Variants in KCNIP4 observed in about 807,000 individuals in gnomAD.
KCNIP4 encodes the protein potassium voltage-gated channel interacting protein 4.
Under a neutral mutation model 34.0 loss-of-function variants are expected in KCNIP4, and 12 were observed. That is an observed-to-expected ratio of 0.35 (90% CI 0.23 to 0.57). The LOEUF (loss-of-function observed/expected upper bound fraction) is 0.57, where lower values mean the gene tolerates loss of function less well. Among genes scored for constraint, KCNIP4 ranks in the 20% least tolerant of loss-of-function variants. The probability of loss-of-function intolerance (pLI) is 0.83; values close to 1 mark genes in which losing one functional copy is unlikely to be tolerated. For synonymous variants in KCNIP4, 124 were observed against 102.2 expected (o/e 1.21, Z -1.29); for missense variants, 238 against 311.7 (o/e 0.76, Z 1.78).
chr4:21,888,415 T>G (rs997203466), intron 1 of KCNIP4, among the ~76,000 whole-genome samples: 1 of 152,096 alleles, frequency 6.6e-6, no homozygotes, highest in African/African-American at 2.4e-5. Flanking sequence ...CTTAGACTCA[T>G]ACGATTCAGA....
intron 1 of KCNIP4, among the ~76,000 whole-genome samples, chr4:21,900,667 C>T (rs73116286): frequency 0.038 from 5,771 of 152,224 alleles, 347 homozygotes; most frequent in African/African-American, 0.13. Flanking sequence ...TAAAAATTTG[C>T]ATCTTAAGTT....
chr4:21,358,469 G>A (rs549797051), intron 1 of KCNIP4, among the ~76,000 whole-genome samples: 2 of 152,210 alleles, frequency 1.3e-5, no homozygotes, highest in African/African-American at 4.8e-5. Context: ...TGGTCTACTT[G>A]ACTCAGAGAG....
chr4:21,121,548 T>C (rs1259351559), intron 1 of KCNIP4, among the ~76,000 whole-genome samples: 1 of 152,230 alleles, frequency 6.6e-6, no homozygotes, highest in African/African-American at 2.4e-5. Flanking sequence ...CAGCATCTTG[T>C]AATGAAGTCA....
chr4:20,782,730 A>C (rs1756981735), intron 3 of KCNIP4, among the ~76,000 whole-genome samples: 1 of 152,170 alleles, frequency 6.6e-6, no homozygotes, highest in Non-Finnish European at 1.5e-5. Flanking sequence ...AGGCTGCTGC[A>C]AAGGTCTCTG....
intron 1 of KCNIP4, among the ~76,000 whole-genome samples, chr4:21,519,695 C>A (rs1270476459): frequency 7.5e-6 from 1 of 133,630 alleles, no homozygotes; most frequent in African/African-American, 3.0e-5. Context: ...TATATACACA[C>A]GTGTGTGTAT....
chr4:21,356,557 C>T (rs1718627723), intron 1 of KCNIP4, among the ~76,000 whole-genome samples: 1 of 152,074 alleles, frequency 6.6e-6, no homozygotes, highest in Non-Finnish European at 1.5e-5. Flanking sequence ...GAGTGAACTC[C>T]CATTCACAAT....
chr4:21,215,414 G>A (rs773089250), intron 1 of KCNIP4, among the ~76,000 whole-genome samples: 12 of 152,168 alleles, frequency 7.9e-5, no homozygotes, highest in Non-Finnish European at 1.6e-4. Context: ...ATTGATTCAA[G>A]CAAATGCGTG....
chr4:21,757,282 GAAAAGAGAAA>G (rs1270850123), intron 1 of KCNIP4, among the ~76,000 whole-genome samples: 2 of 86,516 alleles, frequency 2.3e-5, no homozygotes, highest in African/African-American at 5.9e-5. Flanking sequence ...GAAAAGAAAA[GAAAAGAGAAA>G]AGAAAAGAAA....
intron 1 of KCNIP4, among the ~76,000 whole-genome samples, chr4:21,359,029 G>A (rs1718948685): frequency 1.3e-5 from 2 of 152,012 alleles, no homozygotes; most frequent in Non-Finnish European, 2.9e-5. Context: ...GACCTCCTGA[G>A]GCTGTGTCAT....
At chr4:21,509,501 C>T (rs1734123430) in intron 1 of KCNIP4, among the ~76,000 whole-genome samples, 2 of 152,112 alleles carry the variant, frequency 1.3e-5, no homozygotes, top group Admixed American at 1.3e-4. Context: ...GTGCTGTAGG[C>T]ATTTGCTGGA....
At chr4:20,742,758 AAAG>A (rs1377965654) in intron 5 of KCNIP4, among the ~76,000 whole-genome samples, 1 of 152,162 alleles carries the variant, frequency 6.6e-6, no homozygotes, top group Non-Finnish European at 1.5e-5. Flanking sequence ...TCAATTAGGG[AAAG>A]AAGAAGTCAA....
intron 1 of KCNIP4, among the ~76,000 whole-genome samples, chr4:20,959,753 G>A (rs576960233): frequency 1.3e-5 from 2 of 152,116 alleles, no homozygotes; most frequent in East Asian, 3.9e-4. Context: ...TATCTTTAAC[G>A]GAGTTCAATG....
At chr4:21,762,352 C>T (rs1416604260) in intron 1 of KCNIP4, among the ~76,000 whole-genome samples, 1 of 152,080 alleles carries the variant, frequency 6.6e-6, no homozygotes, top group Admixed American at 6.6e-5. Context: ...CCATATGTGG[C>T]TTGTGACTAC....
At chr4:21,421,664 A>G (rs1725461706) in intron 1 of KCNIP4, among the ~76,000 whole-genome samples, 1 of 152,168 alleles carries the variant, frequency 6.6e-6, no homozygotes, top group South Asian at 2.1e-4. Context: ...TTCAGTTAAG[A>G]TAAATAAGTT....
intron 1 of KCNIP4, among the ~76,000 whole-genome samples, chr4:21,629,657 TAA>T (rs1285721097): frequency 7.9e-5 from 12 of 152,218 alleles, no homozygotes; most frequent in Admixed American, 6.5e-4. Context: ...AGCTAAGTTT[TAA>T]AAAATGTTCT....
chr4:21,806,040 A>G (rs975301912), intron 1 of KCNIP4, among the ~76,000 whole-genome samples: 2 of 152,238 alleles, frequency 1.3e-5, no homozygotes, highest in Non-Finnish European at 2.9e-5. Flanking sequence ...TTCTTCTGAC[A>G]TATAAAATAG....
At chr4:21,818,026 T>C (rs931216714) in intron 1 of KCNIP4, among the ~76,000 whole-genome samples, 1 of 152,126 alleles carries the variant, frequency 6.6e-6, no homozygotes, top group Non-Finnish European at 1.5e-5. Context: ...CATGTGATCT[T>C]TGTACCTACT....
At position 21,453,521 on chromosome 4, in the gene KCNIP4, T is replaced by C. The variant is rs1030301711; in HGVS notation, c.61+495050A>G. 1.1e-4 allele frequency among the ~76,000 whole-genome samples: 17 copies of C among 152,094 alleles called. No individual in the cohort carries two copies. The East Asian group carries it at 3.1e-3, about 28-fold the overall frequency. Reference sequence around the variant, plus strand: ...ATTAAAATCCAACACCCTCACTCTTTCCAGGATGTGAAACTTCCTGGAGCC... The same window carrying C: ...ATTAAAATCCAACACCCTCACTCTTCCCAGGATGTGAAACTTCCTGGAGCC... On this transcript the variant is annotated intron_variant, in intron 1 of 8. Transcript: ENST00000382152.
chr4:21,361,690 TC>T (rs1719244490), intron 1 of KCNIP4, among the ~76,000 whole-genome samples: 1 of 147,682 alleles, frequency 6.8e-6, no homozygotes, highest in Admixed American at 6.8e-5. Context: ...TTTTTCATTC[TC>T]CTTTTTTTTT....
Sources: allele counts gnomAD v4.1 joint callset (sites outside exome capture counted in the v4.1 genomes callset), GRCh38; gene constraint gnomAD v4.1.1; transcripts MANE v1.5; gene names NCBI Gene and HGNC (gene_info 2026-07-23, HGNC 2026-07-21).